The following NWD1 variants were observed in gnomAD, a reference collection of about 807,000 sequenced individuals.
The protein encoded by NWD1 is NACHT domain- and WD repeat-containing protein 1.
In NWD1, 129 loss-of-function variants were observed where a neutral mutation model predicts 135.1. The observed-to-expected ratio is 0.96, with a 90% CI of 0.83 to 1.11. NWD1 has a LOEUF of 1.11. Ranked by LOEUF, NWD1 falls within the 50% of genes least tolerant of loss-of-function variation. NWD1 has a pLI of 0.00. For missense variants in NWD1, 1,740 were observed against 1,851.3 expected (o/e 0.94, Z 1.10); for synonymous variants, 773 against 786.0 (o/e 0.98, Z 0.28).
intron 4 of NWD1, among the ~76,000 whole-genome samples, chr19:16,744,175 G>A (rs1216650245): frequency 6.6e-6 from 1 of 152,134 alleles, no homozygotes. Flanking sequence ...GATCCCTTGA[G>A]TACAGGAGTT....
chr19:16,805,753 C>G (rs1970728585), intron 17 of NWD1, among the ~76,000 whole-genome samples: 1 of 152,200 alleles, frequency 6.6e-6, no homozygotes, highest in African/African-American at 2.4e-5. Flanking sequence ...GGCTGTTACT[C>G]TAAAAATGTT....
intron 15 of NWD1, 100 bp downstream of exon 15, chr19:16,794,653 G>A: frequency 1.2e-6 from 1 of 814,504 alleles, no homozygotes; most frequent in South Asian, 1.5e-5. Flanking sequence ...TAGGGCCAGA[G>A]GTTAGCAACG....
At chr19:16,759,187 T>G in intron 6 of NWD1, 38 bp from the exon 7 acceptor site, 2,674 of 1,503,160 alleles carry the variant, frequency 1.8e-3, no homozygotes, top group Non-Finnish European at 2.2e-3. Context: ...GCAGAAGACA[T>G]GAGATGTGCC....
intron 6 of NWD1, among the ~76,000 whole-genome samples, chr19:16,751,982 AAAGG>A (rs144260858): frequency 0.028 from 4,307 of 151,414 alleles, 171 homozygotes; most frequent in African/African-American, 0.092. Flanking sequence ...AGAAAAAGTG[AAAGG>A]AAGGAAGGAA....
At position 16,749,882 on chromosome 19, in the gene NWD1, G is replaced by A. The variant is rs1452866130; in HGVS notation, c.1240G>A (p.Val414Ile). Residue 414 changes from valine to isoleucine, a missense_variant, in exon 6 of 19, where the codon GTC (valine) becomes ATC (isoleucine). Physicochemically the swap from Val to Ile is conservative, Grantham distance 29. Transcript: ENST00000524140. ...AQVLDAHTRV[V>I]QFFHTLLHTV... The stretch of plus-strand genomic sequence containing the variant: ...GGTTCTGGACGCCCACACCAGGGTG[G>A]TCCAGTTTTTCCATACCCTCCTCCA... The A allele has an allele frequency of 1.9e-6, 3 of 1,613,492 alleles. No individual in the cohort carries two copies. The South Asian group carries it at 3.3e-5, about 18-fold the overall frequency.
chr19:16,764,634 C>T (rs919837317), intron 9 of NWD1, among the ~76,000 whole-genome samples: 3 of 152,148 alleles, frequency 2.0e-5, no homozygotes, highest in Non-Finnish European at 4.4e-5. Flanking sequence ...TCCATCCACC[C>T]ACCTATCTTT....
chr19:16,809,902 C>T (rs998210226), intron 18 of NWD1, among the ~76,000 whole-genome samples: 2 of 152,092 alleles, frequency 1.3e-5, no homozygotes, highest in Admixed American at 6.6e-5. Context: ...TGAAAAACCT[C>T]TGCCAGGACC....
At chr19:16,748,424 A>C (rs1413331742) in intron 5 of NWD1, among the ~76,000 whole-genome samples, 1 of 152,138 alleles carries the variant, frequency 6.6e-6, no homozygotes, top group Admixed American at 6.6e-5. Flanking sequence ...GCTGGGCGTG[A>C]TAGTAACTCC....
intron 6 of NWD1, among the ~76,000 whole-genome samples, chr19:16,757,025 G>A (rs945307903): frequency 6.6e-6 from 1 of 152,064 alleles, no homozygotes; most frequent in African/African-American, 2.4e-5. Flanking sequence ...CTACTTTCAG[G>A]AAAACAAGCT....
intron 2 of NWD1, among the ~76,000 whole-genome samples, chr19:16,726,277 A>T (rs1967326160): frequency 6.6e-6 from 1 of 150,924 alleles, no homozygotes; most frequent in East Asian, 2.0e-4. Flanking sequence ...CTCTATTTTT[A>T]AAAAACTTTT....
At chr19:16,759,708 C>G (rs1158384610) in intron 7 of NWD1, among the ~76,000 whole-genome samples, 1 of 152,038 alleles carries the variant, frequency 6.6e-6, no homozygotes, top group East Asian at 1.9e-4. Context: ...GAGGCCCCAT[C>G]TCTACAAAAA....
intron 12 of NWD1, among the ~76,000 whole-genome samples, chr19:16,787,901 AATAATCATCATCATCATCATCATC>A (rs1461193549): frequency 9.5e-5 from 8 of 84,356 alleles, no homozygotes; most frequent in African/African-American, 4.5e-4. Context: ...TAATAATAAT[AATAATCATCATCATCATCATCATC>A]ATCATCATCA....
chr19:16,815,352 T>C lies in NWD1; in HGVS notation c.*313T>C. The stretch of plus-strand genomic sequence containing the variant: ...TAAAAAAATAAAAATAAAAAAACCC[T>C]GTGGGGGTATGGGGCTCCAGTGAGT... On this transcript the variant is annotated 3_prime_UTR_variant, in exon 19 of 19. Coordinates refer to ENST00000524140, the MANE Select transcript of NWD1 (RefSeq NM_001007525.5). 1 of 708,114 alleles carries C rather than the reference T, an allele frequency of 1.4e-6. No individual in the cohort carries two copies. Among genetic ancestry groups the C allele is most frequent in the East Asian group, 2.6e-5 (1 of 38,468 alleles). 43.9% of individuals were successfully genotyped at this position (708,114 alleles called of 1,614,324 possible). A position where few individuals can be genotyped will look rare whatever the true frequency, so the allele number is the denominator to read the frequency against.
At chr19:16,809,201 G>A (rs1005683555) in intron 18 of NWD1, among the ~76,000 whole-genome samples, 6 of 150,542 alleles carry the variant, frequency 4.0e-5, no homozygotes, top group Non-Finnish European at 5.9e-5. Context: ...CTCCCGCCTC[G>A]GCCTCCCAAG....
intron 7 of NWD1, among the ~76,000 whole-genome samples, chr19:16,761,375 T>TCTTTCTTTCTTTCTTTCTTTCTTTCTTTC: frequency 6.6e-6 from 1 of 151,944 alleles, no homozygotes; most frequent in African/African-American, 2.4e-5. Flanking sequence ...TTTCCTTCTT[T>TCTTTCTTTCTTTCTTTCTTTCTTTCTTTC]CTCTTTTTTT....
chr19:16,732,423 T>C (rs1321478511), intron 3 of NWD1, among the ~76,000 whole-genome samples: 1 of 151,656 alleles, frequency 6.6e-6, no homozygotes, highest in African/African-American at 2.4e-5. Flanking sequence ...CAGAGCTTCC[T>C]GGCCCTCTTC....
At chr19:16,746,145 C>G (rs59759513) in intron 5 of NWD1, among the ~76,000 whole-genome samples, 1 of 149,092 alleles carries the variant, frequency 6.7e-6, no homozygotes, top group South Asian at 2.1e-4. Context: ...ACTTGAGCCC[C>G]GAGTTGGAGA....
At chr19:16,779,062 C>T (rs960191136) in intron 11 of NWD1, among the ~76,000 whole-genome samples, 5 of 152,126 alleles carry the variant, frequency 3.3e-5, no homozygotes, top group East Asian at 1.9e-4. Flanking sequence ...GATATGTGTC[C>T]GCTGGGTGAG....
Position 16,749,722 on chromosome 19 carries a change from G to A in NWD1, c.1080G>A (p.Arg360=). 6.2e-7 allele frequency: 1 copy of A among 1,605,474 alleles called. No homozygotes were observed. Among genetic ancestry groups the A allele is most frequent in the Non-Finnish European group, 8.5e-7 (1 of 1,175,196 alleles). The change falls in exon 6 of 19, where the codon AGG becomes AGA. Residue 360 remains arginine, a synonymous_variant. Transcript: ENST00000524140. ...GCAAGCTGGCTGAGCAGATGCCAAGGCTGCTGGGGCACAAGACAGTGACCG... is the reference window on the plus strand; with the variant it reads ...GCAAGCTGGCTGAGCAGATGCCAAGACTGCTGGGGCACAAGACAGTGACCG... ...LMCKLAEQMP[R]LLGHKTVTVL...
Sources: gnomAD v4.1 joint callset for allele counts (sites outside exome capture counted in the v4.1 genomes callset) on GRCh38, gnomAD v4.1.1 for gene constraint, MANE v1.5 for transcripts, NCBI Gene and HGNC (gene_info 2026-07-23, HGNC 2026-07-21) for gene names.